The following FLRT2 variants were observed in gnomAD, a reference collection of about 807,000 sequenced individuals.
FLRT2 encodes fibronectin leucine rich transmembrane protein 2.
FLRT2 carries 15 observed loss-of-function variants against 40.0 expected under a neutral mutation model. That is an observed-to-expected ratio of 0.38 (90% CI 0.25 to 0.58). The LOEUF (loss-of-function observed/expected upper bound fraction) is 0.58. Ranked by LOEUF, FLRT2 falls within the 20% of genes least tolerant of loss-of-function variation. FLRT2 has a pLI of 0.71. For synonymous variants in FLRT2, 380 were observed against 336.8 expected, an observed-to-expected ratio of 1.13 and a Z score of -1.41; for missense variants, 726 against 840.0, an observed-to-expected ratio of 0.86 and a Z score of 1.68.
rs903108833 is a variant in FLRT2, at chr14:85,631,463, G to A, written c.*7966G>A. 1 of 152,140 alleles carries A rather than the reference G, an allele frequency of 6.6e-6. No individual in the cohort carries two copies. The highest frequency in any genetic ancestry group is 1.5e-5 in the Non-Finnish European group (1 of 68,048). 9.4% of individuals were successfully genotyped at this position (152,140 alleles called of 1,614,324 possible). On this transcript the variant is annotated 3_prime_UTR_variant, in exon 2 of 2. Coordinates refer to ENST00000330753, the MANE Select transcript of FLRT2 (RefSeq NM_013231.6). ...TCTGTAAATTGTTGTACCTCATCCA[G>A]TGTTAAGAGCCATGCCCAGGCCCTG...
intron 1 of FLRT2, among the ~76,000 whole-genome samples, chr14:85,619,395 A>G (rs1303021464): frequency 1.3e-5 from 2 of 152,118 alleles, no homozygotes; most frequent in East Asian, 3.9e-4. Flanking sequence ...AAGCCCGGCC[A>G]TGCTTGATTT....
intron 1 of FLRT2, among the ~76,000 whole-genome samples, chr14:85,561,860 T>A (rs1219650890): frequency 1.3e-5 from 2 of 152,228 alleles, no homozygotes; most frequent in African/African-American, 2.4e-5. Context: ...ATTATGAAAT[T>A]CTATTGCTGT....
chr14:85,638,912 G>A lies in FLRT2; in HGVS notation c.*15415G>A, dbSNP rs1018791854. ...AATAAAAGATTAAAAAACATACAGT[G>A]CAAAAAAGCAAACAAAAGTTAGCTA... On this transcript the variant is annotated 3_prime_UTR_variant, in exon 2 of 2. Transcript: ENST00000330753. 4.6e-5 allele frequency: 7 copies of A among 152,106 alleles called. No homozygotes were observed. The highest frequency in any genetic ancestry group is 1.7e-4 in the African/African-American group (7 of 41,406). The allele number at this position is 152,106 out of a possible 1,614,324, so 9.4% of individuals were successfully genotyped here.
chr14:85,582,218 T>G (rs941355253), intron 1 of FLRT2, among the ~76,000 whole-genome samples: 1 of 152,214 alleles, frequency 6.6e-6, no homozygotes, highest in African/African-American at 2.4e-5. Context: ...AGCATTATTC[T>G]GATACATATG....
intron 1 of FLRT2, among the ~76,000 whole-genome samples, chr14:85,575,936 T>C (rs912833275): frequency 6.6e-5 from 10 of 152,110 alleles, no homozygotes; most frequent in Non-Finnish European, 1.2e-4. Flanking sequence ...CTGGGAGGGG[T>C]ATAGCTTTTA....
intron 1 of FLRT2, among the ~76,000 whole-genome samples, chr14:85,552,474 T>G (rs1281531644): frequency 1.3e-5 from 2 of 152,202 alleles, no homozygotes; most frequent in African/African-American, 4.8e-5. Flanking sequence ...CTACTGTGGC[T>G]TATTCAGAAA....
chr14:85,585,495 G>C (rs1310426590), intron 1 of FLRT2, among the ~76,000 whole-genome samples: 1 of 152,030 alleles, frequency 6.6e-6, no homozygotes, highest in Admixed American at 6.6e-5. Context: ...ATTAATGTAA[G>C]GTAAGTATAT....
chr14:85,628,666 A>C lies in FLRT2; in HGVS notation c.*5169A>C, dbSNP rs551276749. 1.3e-5 allele frequency: 2 copies of C among 152,308 alleles called. No individual in the cohort carries two copies. Among genetic ancestry groups the C allele is most frequent in the South Asian group, 4.1e-4 (2 of 4,826 alleles). 9.4% of individuals were successfully genotyped at this position (152,308 alleles called of 1,614,324 possible). On this transcript the variant is annotated 3_prime_UTR_variant, in exon 2 of 2. Transcript: ENST00000330753. Reference sequence around the variant, plus strand: ...GTATTTGACAGAGATTGAATCAGGAAATAAATTCATGACATTTCAGTTAAC... The same window carrying C: ...GTATTTGACAGAGATTGAATCAGGACATAAATTCATGACATTTCAGTTAAC...
chr14:85,572,977 A>G (rs1352704116), intron 1 of FLRT2, among the ~76,000 whole-genome samples: 1 of 152,038 alleles, frequency 6.6e-6, no homozygotes, highest in Non-Finnish European at 1.5e-5. Flanking sequence ...AATTCTTACT[A>G]CATACATGCC....
At chr14:85,570,956 C>T (rs149424768) in intron 1 of FLRT2, among the ~76,000 whole-genome samples, 3,090 of 152,200 alleles carry the variant, frequency 0.02, 44 homozygotes, top group Non-Finnish European at 0.031. Flanking sequence ...CTTTTCTTTG[C>T]ACTTTACTGA....
chr14:85,577,236 T>C (rs997346520), intron 1 of FLRT2, among the ~76,000 whole-genome samples: 2 of 152,208 alleles, frequency 1.3e-5, no homozygotes, highest in African/African-American at 4.8e-5. Context: ...AGTAGAAAAC[T>C]ACAAAGCTGG....
At chr14:85,560,246 GA>G (rs1234822165) in intron 1 of FLRT2, among the ~76,000 whole-genome samples, 2 of 152,088 alleles carry the variant, frequency 1.3e-5, no homozygotes, top group Admixed American at 1.3e-4. Flanking sequence ...ACTAAGTCTA[GA>G]ATCATGAAGC....
chr14:85,611,917 C>CGTGTGTGTGTGT lies in FLRT2; in HGVS notation c.-376-9187_-376-9176dup, dbSNP rs71120529. On this transcript the variant is annotated intron_variant, in intron 1 of 1. Transcript: ENST00000330753. The stretch of plus-strand genomic sequence containing the variant: ...GAGAGAGAGCGCGCGTGCGCGAAAG[C>CGTGTGTGTGTGT]GTGTGTGTGTGTGTGTGTGTGTGTG... Among the ~76,000 whole-genome samples the CGTGTGTGTGTGT allele has an allele frequency of 2.9e-3, 378 of 130,940 alleles. 5 individuals carry two copies. The highest frequency in any genetic ancestry group is 3.8e-3 in the Non-Finnish European group (232 of 61,782). 85.9% of individuals were successfully genotyped at this position (130,940 alleles called of 152,430 possible).
intron 1 of FLRT2, among the ~76,000 whole-genome samples, chr14:85,554,133 C>T (rs1019656646): frequency 5.3e-5 from 8 of 152,092 alleles, no homozygotes; most frequent in Non-Finnish European, 1.0e-4. Context: ...GGCTTTGTTA[C>T]ACTCTGCAGG....
Position 85,622,771 on chromosome 14 carries a change from A to T in FLRT2, c.1257A>T (p.Pro419=). Residue 419 remains proline, a synonymous_variant, in exon 2 of 2, where the codon CCA becomes CCT. Coordinates refer to ENST00000330753, the MANE Select transcript of FLRT2 (RefSeq NM_013231.6). ...GGGATGGCAGAGAAAGAGTGACCCCACCTATTTCTGAACGGATCCAGCTCT... is the reference window on the plus strand; with the variant it reads ...GGGATGGCAGAGAAAGAGTGACCCCTCCTATTTCTGAACGGATCCAGCTCT... ...PDWDGRERVT[P]PISERIQLSI... 1.2e-6 allele frequency: 2 copies of T among 1,613,968 alleles called. No homozygotes were observed. Among genetic ancestry groups the T allele is most frequent in the Middle Eastern group, 1.7e-4 (1 of 6,060 alleles).
At chr14:85,537,843 T>C (rs1888756896) in intron 1 of FLRT2, among the ~76,000 whole-genome samples, 1 of 34,286 alleles carries the variant, frequency 2.9e-5, no homozygotes, top group Non-Finnish European at 1.0e-4. Context: ...CCTTCATGTT[T>C]TGTTTTTTTT....
intron 1 of FLRT2, among the ~76,000 whole-genome samples, chr14:85,549,810 ATTT>A (rs61018495): frequency 0.29 from 38,533 of 134,972 alleles, 5,353 homozygotes; most frequent in Middle Eastern, 0.39. Context: ...ACACATAGCT[ATTT>A]TTTTTTTTTT....
At chr14:85,598,990 TC>T (rs1236291221) in intron 1 of FLRT2, among the ~76,000 whole-genome samples, 1 of 144,148 alleles carries the variant, frequency 6.9e-6, no homozygotes, top group African/African-American at 2.6e-5. Context: ...CAGTCTTGGC[TC>T]ACTGCAAGCT....
chr14:85,543,769 A>C (rs973182182), intron 1 of FLRT2, among the ~76,000 whole-genome samples: 1 of 152,048 alleles, frequency 6.6e-6, no homozygotes, highest in Non-Finnish European at 1.5e-5. Flanking sequence ...ACATTATCGC[A>C]TACTCTCCAT....
Sources: gnomAD v4.1 joint callset for allele counts (sites outside exome capture counted in the v4.1 genomes callset) on GRCh38, gnomAD v4.1.1 for gene constraint, MANE v1.5 for transcripts, NCBI Gene and HGNC (gene_info 2026-07-23, HGNC 2026-07-21) for gene names.